The following SGCZ variants were observed in gnomAD, a reference collection of about 807,000 sequenced individuals.
The protein encoded by SGCZ is zeta-sarcoglycan.
A neutral mutation model predicts 41.3 loss-of-function variants in SGCZ; 40 were observed. The observed-to-expected ratio is 0.97, with a 90% CI of 0.75 to 1.26. The LOEUF (loss-of-function observed/expected upper bound fraction) is 1.26, where lower values mean the gene tolerates loss of function less well. Among genes scored for constraint, SGCZ ranks in the 50% most tolerant of loss-of-function variants. The pLI is 0.00. For missense variants in SGCZ, 552 were observed against 369.8 expected (o/e 1.49, Z -4.04); for synonymous variants, 206 against 137.5 (o/e 1.50, Z -3.49).
At chr8:14,101,530 C>T (rs1317974419) in intron 7 of SGCZ, among the ~76,000 whole-genome samples, 1 of 152,094 alleles carries the variant, frequency 6.6e-6, no homozygotes, top group African/African-American at 2.4e-5. Context: ...TTATTTAAAG[C>T]AGACAGCAGG....
chr8:14,268,849 A>G (rs1211991930), intron 3 of SGCZ, among the ~76,000 whole-genome samples: 1 of 151,864 alleles, frequency 6.6e-6, no homozygotes, highest in East Asian at 1.9e-4. Flanking sequence ...TATGTTAAAA[A>G]CGTATTAGAA....
At chr8:14,314,012 G>T (rs992709707) in intron 3 of SGCZ, among the ~76,000 whole-genome samples, 1 of 150,862 alleles carries the variant, frequency 6.6e-6, no homozygotes. Context: ...GTTTATAAAG[G>T]CAATTAAATT....
intron 4 of SGCZ, among the ~76,000 whole-genome samples, chr8:14,190,004 T>C (rs1343526144): frequency 1.4e-5 from 1 of 69,990 alleles, no homozygotes; most frequent in Non-Finnish European, 2.4e-5. Flanking sequence ...TACTTTTTCT[T>C]TCTTTCTTTC....
At chr8:14,345,222 A>G (rs756459100) in intron 2 of SGCZ, among the ~76,000 whole-genome samples, 35 of 152,096 alleles carry the variant, frequency 2.3e-4, no homozygotes, top group Non-Finnish European at 4.3e-4. Flanking sequence ...ATTAAACCAC[A>G]AGTTTTCACT....
intron 1 of SGCZ, among the ~76,000 whole-genome samples, chr8:15,099,749 C>A (rs529333171): frequency 1.3e-5 from 2 of 152,194 alleles, no homozygotes; most frequent in South Asian, 4.1e-4. Flanking sequence ...AAATGTTGTA[C>A]ACCACAACCA....
chr8:14,476,706 T>C (rs952771646), intron 2 of SGCZ, among the ~76,000 whole-genome samples: 1 of 152,148 alleles, frequency 6.6e-6, no homozygotes, highest in Non-Finnish European at 1.5e-5. Flanking sequence ...TTACAACAAC[T>C]TGGTGAGATA....
intron 1 of SGCZ, among the ~76,000 whole-genome samples, chr8:14,978,080 C>A (rs556993941): frequency 6.6e-6 from 1 of 152,024 alleles, no homozygotes; most frequent in African/African-American, 2.4e-5. Flanking sequence ...TAGGTGCGTA[C>A]TTTCATGTTC....
chr8:14,258,323 G>A (rs1799536418), intron 3 of SGCZ, among the ~76,000 whole-genome samples: 1 of 152,064 alleles, frequency 6.6e-6, no homozygotes, highest in South Asian at 2.1e-4. Flanking sequence ...ATTTAAAGAG[G>A]GCAATGTATT....
intron 1 of SGCZ, among the ~76,000 whole-genome samples, chr8:14,669,428 T>C (rs1006689262): frequency 6.6e-6 from 1 of 150,678 alleles, no homozygotes; most frequent in Non-Finnish European, 1.5e-5. Context: ...CATTACTTAC[T>C]AATCTTGAAT....
At chr8:14,841,385 A>T (rs970457888) in intron 1 of SGCZ, among the ~76,000 whole-genome samples, 1 of 152,104 alleles carries the variant, frequency 6.6e-6, no homozygotes, top group Non-Finnish European at 1.5e-5. Flanking sequence ...TTCACCTTGC[A>T]TTCAGGGAAA....
intron 1 of SGCZ, among the ~76,000 whole-genome samples, chr8:14,727,194 T>A (rs1374561593): frequency 6.6e-6 from 1 of 152,088 alleles, no homozygotes; most frequent in African/African-American, 2.4e-5. Context: ...AAAGAAGACA[T>A]ATAAATAGTC....
At chr8:14,418,124 G>T (rs775922543) in intron 2 of SGCZ, among the ~76,000 whole-genome samples, 4 of 151,806 alleles carry the variant, frequency 2.6e-5, no homozygotes, top group Non-Finnish European at 4.4e-5. Flanking sequence ...GCCTTCACTG[G>T]GCTTTCATTC....
intron 3 of SGCZ, among the ~76,000 whole-genome samples, chr8:14,310,053 G>C (rs755959480): frequency 2.6e-5 from 4 of 152,078 alleles, no homozygotes; most frequent in Non-Finnish European, 5.9e-5. Context: ...AAAAAATTCT[G>C]TTGTTCCATT....
chr8:14,746,096 C>T (rs2244867), intron 1 of SGCZ, among the ~76,000 whole-genome samples: 45,458 of 151,672 alleles, frequency 0.3, 7,905 homozygotes, highest in Non-Finnish European at 0.4. Flanking sequence ...TACCATTTTC[C>T]ATAAATATCG....
At chr8:14,102,136 C>T (rs1802049737) in intron 7 of SGCZ, among the ~76,000 whole-genome samples, 1 of 147,088 alleles carries the variant, frequency 6.8e-6, no homozygotes, top group Admixed American at 6.8e-5. Context: ...GATGGGGTTT[C>T]ACCGTGTTAG....
At chr8:14,632,097 C>T (rs987357357) in intron 1 of SGCZ, among the ~76,000 whole-genome samples, 15 of 152,034 alleles carry the variant, frequency 9.9e-5, no homozygotes, top group African/African-American at 3.6e-4. Context: ...CAGCTCATTG[C>T]TGCCTTGACC....
chr8:15,005,609 G>A (rs1024288252), intron 1 of SGCZ, among the ~76,000 whole-genome samples: 1 of 150,400 alleles, frequency 6.6e-6, no homozygotes, highest in Non-Finnish European at 1.5e-5. Flanking sequence ...TGGGATGACA[G>A]GCATGAGCCA....
intron 1 of SGCZ, among the ~76,000 whole-genome samples, chr8:14,863,589 C>CT: frequency 6.6e-6 from 1 of 152,268 alleles, no homozygotes; most frequent in South Asian, 2.1e-4. Flanking sequence ...GGCTCTAACA[C>CT]TTTCACTGCT....
chr8:14,120,654 C>G (rs1487749561), intron 5 of SGCZ, among the ~76,000 whole-genome samples: 1 of 151,418 alleles, frequency 6.6e-6, no homozygotes, highest in Non-Finnish European at 1.5e-5. Context: ...AAAAAAAATC[C>G]AAAAGAATCT....
Sources: gnomAD v4.1 joint callset for allele counts (sites outside exome capture counted in the v4.1 genomes callset) on GRCh38, gnomAD v4.1.1 for gene constraint, MANE v1.5 for transcripts, NCBI Gene and HGNC (gene_info 2026-07-23, HGNC 2026-07-21) for gene names.